The following EHF variants were observed in gnomAD, a reference collection of about 807,000 sequenced individuals.
EHF encodes the protein ETS homologous factor.
Under a neutral mutation model 45.1 loss-of-function variants are expected in EHF, and 14 were observed. The ratio of observed to expected loss-of-function variants is 0.31; its 90% CI spans 0.21 to 0.49. The LOEUF (loss-of-function observed/expected upper bound fraction) is 0.49, where lower values mean the gene tolerates loss of function less well. EHF is among the 20% of genes least tolerant of loss of function. EHF has a pLI of 0.99. For missense variants in EHF, 282 were observed against 371.4 expected (o/e 0.76, Z 1.98); for synonymous variants, 136 against 131.8 (o/e 1.03, Z -0.22).
At chr11:34,653,783 C>T (rs113493401) in intron 6 of EHF, among the ~76,000 whole-genome samples, 38 of 152,298 alleles carry the variant, frequency 2.5e-4, no homozygotes, top group African/African-American at 7.5e-4. Flanking sequence ...CTTTATTTTT[C>T]GAGCTCCCAT....
At position 34,636,882 on chromosome 11, in the gene EHF, A is replaced by C. The variant is rs142386204; in HGVS notation, c.-3-5746A>C. Among the ~76,000 whole-genome samples, 1,005 of 152,234 alleles carry C rather than the reference A, an allele frequency of 6.6e-3. 15 individuals carry two copies. Among genetic ancestry groups the C allele is most frequent in the African/African-American group, 0.023 (958 of 41,514 alleles). ...CAGTCTCTACTAAAAATACAAAATT[A>C]GCCGGGCGTGGTGGTGCATGCCTAT... On this transcript the variant is annotated intron_variant, in intron 1 of 8. Coordinates refer to ENST00000257831, the MANE Select transcript of EHF (RefSeq NM_012153.6).
intron 4 of EHF, among the ~76,000 whole-genome samples, chr11:34,651,103 C>T (rs1018302618): frequency 6.7e-5 from 10 of 149,426 alleles, no homozygotes; most frequent in Admixed American, 4.0e-4. Flanking sequence ...ATATCATTAA[C>T]CCCCCAAGGC....
Position 34,651,534 on chromosome 11 carries a change from T to C in EHF, c.407-8T>C, listed in dbSNP as rs375558532. 5.6e-6 allele frequency: 9 copies of C among 1,612,274 alleles called. No homozygotes were observed. Among genetic ancestry groups the C allele is most frequent in the Non-Finnish European group, 7.6e-6 (9 of 1,178,614 alleles). ...TCGCTGACTATTCTCCTTCTCTATT[T>C]TTTGTAGAGCCTTCCATCATGAACA... On this transcript the variant is annotated splice_region_variant and splice_polypyrimidine_tract_variant and intron_variant, in intron 4 of 8. Coordinates refer to ENST00000257831, the MANE Select transcript of EHF (RefSeq NM_012153.6).
intron 2 of EHF, among the ~76,000 whole-genome samples, chr11:34,644,302 G>A (rs1026500567): frequency 3.3e-5 from 5 of 152,216 alleles, no homozygotes; most frequent in South Asian, 2.1e-4. Context: ...GACTTGGGGA[G>A]CCACAAAATA....
intron 1 of EHF, chr11:34,621,975 T>A (rs2133951963): frequency 6.5e-6 from 1 of 153,024 alleles, no homozygotes; most frequent in Middle Eastern, 3.4e-3. Flanking sequence ...GGCAAAGGGC[T>A]TCACTGTGTA....
intron 1 of EHF, among the ~76,000 whole-genome samples, chr11:34,636,093 G>A (rs1402377004): frequency 6.6e-6 from 1 of 152,130 alleles, no homozygotes; most frequent in Non-Finnish European, 1.5e-5. Flanking sequence ...AATGAACTTG[G>A]CTCTCAATTT....
intron 2 of EHF, among the ~76,000 whole-genome samples, chr11:34,643,603 G>C (rs1240087809): frequency 6.6e-6 from 1 of 152,226 alleles, no homozygotes; most frequent in Non-Finnish European, 1.5e-5. Flanking sequence ...TCTGCAGCGA[G>C]TGCTAATCCA....
intron 1 of EHF, chr11:34,622,508 A>T: frequency 1.6e-6 from 1 of 619,912 alleles, no homozygotes; most frequent in Non-Finnish European, 2.3e-6. Context: ...CAGGGGAAAA[A>T]TTTATTTCTA....
chr11:34,654,981 G>A (rs552379874), intron 6 of EHF, among the ~76,000 whole-genome samples: 3 of 152,166 alleles, frequency 2.0e-5, no homozygotes, highest in Non-Finnish European at 4.4e-5. Context: ...GCAGTACAAC[G>A]TGGCCCTGTC....
At chr11:34,638,104 G>T (rs1033962992) in intron 1 of EHF, among the ~76,000 whole-genome samples, 3 of 152,092 alleles carry the variant, frequency 2.0e-5, no homozygotes, top group African/African-American at 7.2e-5. Flanking sequence ...GTTTCACCAT[G>T]TTGGCCAGGC....
Position 34,651,582 on chromosome 11 carries a change from A to C in EHF, c.447A>C (p.Leu149Phe). The change falls in exon 5 of 9, where the codon TTA (leucine) becomes TTC (phenylalanine). Residue 149 changes from leucine (L) to phenylalanine (F), a missense_variant. Leu to Phe is a conservative substitution (Grantham distance 22, BLOSUM62 0). This residue lies in a region of EHF where 213 missense variants were observed against 247.3 expected (regional missense o/e 0.86). Coordinates refer to ENST00000257831, the MANE Select transcript of EHF (RefSeq NM_012153.6). Reference sequence around the variant, plus strand: ...ACACCTGGAAAGACGAGAACTATTTATATGACACCAACTATGGTAGCACAG... The same window carrying C: ...ACACCTGGAAAGACGAGAACTATTTCTATGACACCAACTATGGTAGCACAG... ...IMNTWKDENY[L>F]YDTNYGSTVD... 1.2e-6 allele frequency: 2 copies of C among 1,614,018 alleles called. No homozygotes were observed. The highest frequency in any genetic ancestry group is 1.7e-6 in the Non-Finnish European group (2 of 1,179,894).
intron 6 of EHF, among the ~76,000 whole-genome samples, chr11:34,656,080 A>G (rs1418554824): frequency 6.6e-6 from 1 of 151,456 alleles, no homozygotes; most frequent in Non-Finnish European, 1.5e-5. Flanking sequence ...ACACACACAT[A>G]TACACACACA....
At chr11:34,642,061 C>T (rs1055063699) in intron 1 of EHF, 1 of 152,174 alleles carries the variant, frequency 6.6e-6, no homozygotes, top group Non-Finnish European at 1.5e-5. Flanking sequence ...TATCACAAAG[C>T]CAGATACTTG....
intron 1 of EHF, chr11:34,641,991 A>G (rs912349953): frequency 1.3e-5 from 2 of 151,950 alleles, no homozygotes; most frequent in Admixed American, 6.6e-5. Context: ...GAAAGGAAAA[A>G]TTTTTTTCTT....
intron 1 of EHF, chr11:34,631,565 C>A (rs1267207799): frequency 1.1e-5 from 11 of 984,716 alleles, no homozygotes; most frequent in Non-Finnish European, 1.3e-5. Context: ...CCCTTTCCAC[C>A]TGGGACCTGA....
chr11:34,660,317 A>T lies in EHF; in HGVS notation c.*1386A>T. On this transcript the variant is annotated 3_prime_UTR_variant, in exon 9 of 9. Transcript: ENST00000257831. Reference sequence around the variant, plus strand: ...CACCAAGAAAAGAATTTCCAGGGAAAATCCTCTTTGCAGGTATTAATTCTT... The same window carrying T: ...CACCAAGAAAAGAATTTCCAGGGAATATCCTCTTTGCAGGTATTAATTCTT... 1 of 152,234 alleles carries T rather than the reference A, an allele frequency of 6.6e-6. No homozygotes were observed. The highest frequency in any genetic ancestry group is 1.5e-5 in the Non-Finnish European group (1 of 68,002). 9.4% of individuals were successfully genotyped at this position (152,234 alleles called of 1,614,324 possible). A position where few individuals can be genotyped will look rare whatever the true frequency, so the allele number is the denominator to read the frequency against.
chr11:34,637,350 G>A (rs911885981), intron 1 of EHF, among the ~76,000 whole-genome samples: 2 of 152,186 alleles, frequency 1.3e-5, no homozygotes, highest in Admixed American at 6.5e-5. Flanking sequence ...GGGCTGGGAT[G>A]TGTCTCTGTG....
chr11:34,642,504 G>T, intron 1 of EHF, 124 bp from the exon 2 acceptor site: 3 of 618,650 alleles, frequency 4.8e-6, no homozygotes, highest in Non-Finnish European at 8.6e-6. Flanking sequence ...GCAATGGGTG[G>T]CAGGCAATGG....
At chr11:34,654,390 A>G (rs551377228) in intron 6 of EHF, among the ~76,000 whole-genome samples, 4 of 152,338 alleles carry the variant, frequency 2.6e-5, no homozygotes, top group East Asian at 1.9e-4. Context: ...CATATTAAAG[A>G]GAGGTTAAAG....
Sources: gnomAD v4.1 joint callset for allele counts (sites outside exome capture counted in the v4.1 genomes callset) on GRCh38, gnomAD v4.1.1 for gene constraint, gnomAD v4.1.1 regional missense constraint, MANE v1.5 for transcripts, NCBI Gene and HGNC (gene_info 2026-07-23, HGNC 2026-07-21) for gene names.